The following DCT variants were observed in gnomAD, a reference collection of about 807,000 sequenced individuals.
DCT encodes dopachrome tautomerase.
A neutral mutation model predicts 53.0 loss-of-function variants in DCT; 47 were observed. That is an observed-to-expected ratio of 0.89 (90% CI 0.70 to 1.13). The LOEUF is 1.13. Ranked by LOEUF, DCT falls within the 50% of genes most tolerant of loss-of-function variation. The pLI is 0.00. For missense variants in DCT, 669 were observed against 637.4 expected, an observed-to-expected ratio of 1.05 and a Z score of -0.53; for synonymous variants, 244 against 237.0, an observed-to-expected ratio of 1.03 and a Z score of -0.27.
the DCT span, among the ~76,000 whole-genome samples, chr13:94,536,011 C>G: frequency 6.6e-6 from 1 of 152,128 alleles, no homozygotes; most frequent in African/African-American, 2.4e-5. Flanking sequence ...ATAGCCTAAC[C>G]CCTAATACCA....
chr13:94,497,890 G>GTT, the DCT span, among the ~76,000 whole-genome samples: 1 of 152,110 alleles, frequency 6.6e-6, no homozygotes, highest in Non-Finnish European at 1.5e-5. Flanking sequence ...GTGTGTGTGT[G>GTT]TGTACACACA....
At position 94,466,643 on chromosome 13, in the gene DCT, T is replaced by C. The variant is rs767455463; in HGVS notation, c.611A>G (p.Tyr204Cys). The change falls in exon 3 of 8, where the codon TAC (tyrosine) becomes TGC (cysteine). Residue 204 changes from tyrosine to cysteine, a missense_variant. Coordinates refer to ENST00000377028, the MANE Select transcript of DCT (RefSeq NM_001922.5). ...TTGATGTGAGAAATCTATGGCCCTGTAGGGGCGTCCTGGTCCTGAAACAAT... is the reference window on the plus strand; with the variant it reads ...TTGATGTGAGAAATCTATGGCCCTGCAGGGGCGTCCTGGTCCTGAAACAAT... ...RDTLLGPGRP[Y>C]RAIDFSHQGP... 7 of 1,606,472 alleles carry C rather than the reference T, an allele frequency of 4.4e-6. No homozygotes were observed. Among genetic ancestry groups the C allele is most frequent in the African/African-American group, 1.3e-5 (1 of 74,746 alleles).
At chr13:94,505,138 C>T in the DCT span, among the ~76,000 whole-genome samples, 1 of 151,224 alleles carries the variant, frequency 6.6e-6, no homozygotes, top group Non-Finnish European at 1.5e-5. Flanking sequence ...CACAGAAATA[C>T]TCTTTGTTAT....
chr13:94,491,560 C>T, the DCT span, among the ~76,000 whole-genome samples: 4 of 152,234 alleles, frequency 2.6e-5, no homozygotes, highest in South Asian at 2.1e-4. Context: ...AGATAATAAA[C>T]GGTGAAACTG....
At chr13:94,501,226 A>ATG in the DCT span, among the ~76,000 whole-genome samples, 1 of 152,110 alleles carries the variant, frequency 6.6e-6, no homozygotes, top group Non-Finnish European at 1.5e-5. Context: ...CGGAGATCGC[A>ATG]CCACTGCACT....
intron 6 of DCT, among the ~76,000 whole-genome samples, chr13:94,456,736 G>A (rs1398371551): frequency 2.0e-5 from 3 of 152,196 alleles, no homozygotes; most frequent in South Asian, 2.1e-4. Context: ...GGAAGCAGAA[G>A]CTCCATGTGG....
chr13:94,462,964 G>C (rs1883914198), intron 4 of DCT, among the ~76,000 whole-genome samples: 1 of 152,194 alleles, frequency 6.6e-6, no homozygotes, highest in African/African-American at 2.4e-5. Context: ...ACAAAGGGGA[G>C]ATATTAGAAG....
the DCT span, among the ~76,000 whole-genome samples, chr13:94,498,361 A>G: frequency 6.6e-6 from 1 of 152,252 alleles, no homozygotes; most frequent in Non-Finnish European, 1.5e-5. Context: ...GAATATTTGC[A>G]TCCCCTCTCC....
At chr13:94,486,415 C>T in the DCT span, among the ~76,000 whole-genome samples, 1 of 152,166 alleles carries the variant, frequency 6.6e-6, no homozygotes, top group Non-Finnish European at 1.5e-5. Flanking sequence ...AAGAAATCCT[C>T]ATTCTGATGG....
intron 1 of DCT, 99 bp from the exon 2 acceptor site, chr13:94,469,144 A>G (rs1226010282): frequency 2.9e-6 from 3 of 1,048,224 alleles, no homozygotes; most frequent in Non-Finnish European, 4.3e-6. Flanking sequence ...AGAGAAGATG[A>G]AGGTGCTTAC....
intron 2 of DCT, 192 bp downstream of exon 2, chr13:94,468,554 A>G: frequency 1.7e-6 from 1 of 598,842 alleles, no homozygotes; most frequent in Non-Finnish European, 3.0e-6. Flanking sequence ...AAGTGTCTGC[A>G]TCCAATGCAC....
rs1449507709 is a variant in DCT, at chr13:94,469,059, C to T, written c.296-14G>A. On this transcript the variant is annotated splice_polypyrimidine_tract_variant and intron_variant, in intron 1 of 7. Transcript: ENST00000377028. The stretch of plus-strand genomic sequence containing the variant: ...CGGCAAAGTTTCCTAGTTCACAAAA[C>T]AGAAAGATGGAAAGGAAGGGGGTTT... 1.0e-5 allele frequency: 16 copies of T among 1,606,368 alleles called. No homozygotes were observed. The highest frequency in any genetic ancestry group is 1.4e-5 in the Non-Finnish European group (16 of 1,173,508).
chr13:94,502,439 T>A, the DCT span, among the ~76,000 whole-genome samples: 68,379 of 151,928 alleles, frequency 0.45, 16,722 homozygotes, highest in African/African-American at 0.63. Context: ...TTACTTTCCC[T>A]GCCAGACTCT....
upstream of DCT, among the ~76,000 whole-genome samples, chr13:94,484,389 CATTTTCAT>C (rs2139392549): frequency 1.3e-5 from 2 of 152,342 alleles, no homozygotes; most frequent in Admixed American, 1.3e-4. Context: ...AGCCTTATGT[CATTTTCAT>C]ATAGCTTTCA....
At chr13:94,464,245 G>A (rs971616814) in intron 4 of DCT, among the ~76,000 whole-genome samples, 7 of 152,240 alleles carry the variant, frequency 4.6e-5, no homozygotes, top group Non-Finnish European at 7.3e-5. Context: ...GCAGGCTCAG[G>A]GTGTTGGCAG....
chr13:94,530,162 A>G, the DCT span, among the ~76,000 whole-genome samples: 1 of 152,276 alleles, frequency 6.6e-6, no homozygotes, highest in South Asian at 2.1e-4. Flanking sequence ...TACCAACCAA[A>G]AACAGTCCAG....
At chr13:94,531,764 T>C in the DCT span, among the ~76,000 whole-genome samples, 7 of 152,194 alleles carry the variant, frequency 4.6e-5, no homozygotes, top group East Asian at 7.7e-4. Flanking sequence ...CCGAAAGCAA[T>C]GGCAACAAAA....
the DCT span, among the ~76,000 whole-genome samples, chr13:94,526,702 T>C: frequency 1.1e-4 from 17 of 152,030 alleles, no homozygotes; most frequent in East Asian, 1.2e-3. Context: ...CCCAGCGAGA[T>C]TGACGCAAAA....
rs750098822 is a variant in DCT at position 94,439,973 on chromosome 13, A to G, written c.1485T>C (p.Tyr495=). The part of the protein sequence containing the change: ...GLFVLLAFLQ[Y]RRLRKGYTPL... ...GTGTATATCCTTTTCGAAGTCTTCT[A>G]TATTGAAGAAAAGCCAACAGCACAA... Residue 495 remains tyrosine (Y), a synonymous_variant, in exon 8 of 8, where the codon TAT becomes TAC. Coordinates refer to ENST00000377028, the MANE Select transcript of DCT (RefSeq NM_001922.5). The G allele has an allele frequency of 3.1e-6, 5 of 1,613,966 alleles. No homozygotes were observed. The highest frequency in any genetic ancestry group is 2.2e-5 in the South Asian group (2 of 91,078).
Sources: gnomAD v4.1 joint callset for allele counts (sites outside exome capture counted in the v4.1 genomes callset) on GRCh38, gnomAD v4.1.1 for gene constraint, MANE v1.5 for transcripts, NCBI Gene and HGNC (gene_info 2026-07-23, HGNC 2026-07-21) for gene names.